Variants in LRRN2 observed in about 807,000 individuals in gnomAD.
LRRN2 encodes leucine-rich repeat neuronal protein 2.
LRRN2 carries 10 observed loss-of-function variants against 35.7 expected under a neutral mutation model. The ratio of observed to expected loss-of-function variants is 0.28; its 90% CI spans 0.17 to 0.47. The LOEUF is 0.47. LRRN2 is among the 20% of genes least tolerant of loss of function. LRRN2 has a pLI of 0.99. For synonymous variants in LRRN2, 391 were observed against 409.6 expected (o/e 0.95, Z 0.55); for missense variants, 731 against 940.3 (o/e 0.78, Z 2.91).
At chr1:204,638,945 G>A (rs1375762720) in intron 1 of LRRN2, among the ~76,000 whole-genome samples, 1 of 152,246 alleles carries the variant, frequency 6.6e-6, no homozygotes, top group African/African-American at 2.4e-5. Flanking sequence ...CCGTGAGCCT[G>A]CTGAATGACC....
At position 204,620,127 on chromosome 1, in the gene LRRN2, C is replaced by T. The variant is rs976587900; in HGVS notation, c.-135G>A. 141 of 1,466,306 alleles carry T rather than the reference C, an allele frequency of 9.6e-5. No homozygotes were observed. Among genetic ancestry groups the T allele is most frequent in the Non-Finnish European group, 1.2e-4 (135 of 1,107,420 alleles). 90.8% of individuals were successfully genotyped at this position (1,466,306 alleles called of 1,614,324 possible). A position where few individuals can be genotyped will look rare whatever the true frequency, so the allele number is the denominator to read the frequency against. ...CCCAGGGCAGTCATTCTACACCGGG[C>T]GTCACTTCTTGCCCTCCTCAATATG... is the stretch of plus-strand genomic sequence containing the variant. On this transcript the variant is annotated 5_prime_UTR_variant, in exon 2 of 2. Coordinates refer to ENST00000367177, the MANE Select transcript of LRRN2 (RefSeq NM_201630.2).
intron 1 of LRRN2, among the ~76,000 whole-genome samples, chr1:204,662,469 G>A (rs1381481102): frequency 1.3e-5 from 2 of 152,162 alleles, no homozygotes; most frequent in Non-Finnish European, 2.9e-5. Context: ...CTTGTCCAAG[G>A]CCACAACTCA....
intron 1 of LRRN2, among the ~76,000 whole-genome samples, chr1:204,650,395 G>A (rs1286599771): frequency 2.0e-5 from 3 of 152,150 alleles, no homozygotes; most frequent in East Asian, 1.9e-4. Context: ...CCTTTACCTC[G>A]TCACCACCCC....
chr1:204,658,740 C>T (rs1412682358), intron 1 of LRRN2, among the ~76,000 whole-genome samples: 1 of 152,204 alleles, frequency 6.6e-6, no homozygotes, highest in Admixed American at 6.5e-5. Flanking sequence ...CTGGGTTTTT[C>T]TTTCTCTATC....
At chr1:204,658,879 C>T (rs1668412873) in intron 1 of LRRN2, among the ~76,000 whole-genome samples, 1 of 152,228 alleles carries the variant, frequency 6.6e-6, no homozygotes, top group Non-Finnish European at 1.5e-5. Context: ...TTTGGGGAGG[C>T]AGCACAAAGC....
chr1:204,627,390 G>A (rs545828684), intron 1 of LRRN2: 1 of 152,292 alleles, frequency 6.6e-6, no homozygotes, highest in East Asian at 1.9e-4. Context: ...AGGCTTCTTT[G>A]TTCATACTTG....
intron 1 of LRRN2, among the ~76,000 whole-genome samples, chr1:204,649,210 T>C (rs1490423211): frequency 1.3e-5 from 2 of 152,218 alleles, no homozygotes; most frequent in Non-Finnish European, 2.9e-5. Context: ...CTGACTCCCT[T>C]ACCTGCTGCT....
rs56189865 is a variant in LRRN2 at position 204,676,139 on chromosome 1, C to CGTGT, written c.-227+9177_-227+9180dup. ...ATTTCCATGCAAGGTTACATGGAGCCGTGTGTGTGTGTGTGTGTGTGTGTG... is the reference window on the plus strand; with the variant it reads ...ATTTCCATGCAAGGTTACATGGAGCCGTGTGTGTGTGTGTGTGTGTGTGTGTGTG... On this transcript the variant is annotated intron_variant, in intron 1 of 1. Coordinates refer to ENST00000367177, the MANE Select transcript of LRRN2 (RefSeq NM_201630.2). Among the ~76,000 whole-genome samples, 1,038 of 148,954 alleles carry CGTGT rather than the reference C, an allele frequency of 7.0e-3. 12 individuals are homozygous for CGTGT. Among genetic ancestry groups the CGTGT allele is most frequent in the African/African-American group, 0.024 (950 of 40,394 alleles).
At position 204,619,661 on chromosome 1, in the gene LRRN2, C is replaced by T. The variant is rs778170782; in HGVS notation, c.332G>A (p.Cys111Tyr). 5 of 1,614,204 alleles carry T rather than the reference C, an allele frequency of 3.1e-6. No homozygotes were observed. Among genetic ancestry groups the T allele is most frequent in the Non-Finnish European group, 4.2e-6 (5 of 1,180,022 alleles). ...SQNSFSDARD[C>Y]DFHALPQLLS... ...CAGCTGGGGCAGGGCATGGAAATCA[C>T]AGTCTCGGGCATCCGAAAAGCTGTT... is the stretch of plus-strand genomic sequence containing the variant. Residue 111 changes from cysteine (C) to tyrosine (Y), a missense_variant, in exon 2 of 2, where the codon TGT becomes TAT. Physicochemically the swap from Cys to Tyr is radical, Grantham distance 194. Around this residue, in one of 3 missense-constraint regions of LRRN2, gnomAD observed 246 missense variants for 289.5 expected, o/e 0.85. Transcript: ENST00000367177.
chr1:204,662,005 G>T (rs1481236911), intron 1 of LRRN2, among the ~76,000 whole-genome samples: 3 of 152,208 alleles, frequency 2.0e-5, no homozygotes, highest in Non-Finnish European at 4.4e-5. Flanking sequence ...ACTGCAGAAA[G>T]CTGGACCCCA....
At position 204,655,790 on chromosome 1, in the gene LRRN2, C is replaced by G. The variant is rs1005343025; in HGVS notation, c.-227+29530G>C. ...GACAGACTCACAAATATGACTGTGGCCCTGGGGGCTGCCGACAGGACAAGG... is the reference window on the plus strand; with the variant it reads ...GACAGACTCACAAATATGACTGTGGGCCTGGGGGCTGCCGACAGGACAAGG... On this transcript the variant is annotated intron_variant, in intron 1 of 1. Transcript: ENST00000367177. 4.6e-5 allele frequency among the ~76,000 whole-genome samples: 7 copies of G among 152,328 alleles called. No individual in the cohort carries two copies. The East Asian group carries it at 5.8e-4, about 13-fold the overall frequency.
rs1558391233 is a variant in LRRN2, at chr1:204,618,448, GC to G, written c.1544del (p.Gly515AlafsTer111). On this transcript the variant is annotated frameshift_variant, in exon 2 of 2. Transcript: ENST00000367177. LOFTEE classifies it high-confidence loss of function. ...CCCTGCCTGGCTGGAGGAGAGCACG[GC>G]CCACAACCACACTAACCGTCTTAGT... ...ADTKTVSVVV[G>X]RALLQPGRDE... 1.2e-6 allele frequency: 2 copies of G among 1,614,068 alleles called. No homozygotes were observed. The highest frequency in any genetic ancestry group is 1.7e-6 in the Non-Finnish European group (2 of 1,180,014).
chr1:204,660,653 A>G (rs1448274681), intron 1 of LRRN2, among the ~76,000 whole-genome samples: 1 of 151,494 alleles, frequency 6.6e-6, no homozygotes, highest in Admixed American at 6.6e-5. Flanking sequence ...TGTGCGTGTG[A>G]AGGAGGTGGT....
chr1:204,679,303 T>C (rs1403153839), intron 1 of LRRN2, among the ~76,000 whole-genome samples: 1 of 152,200 alleles, frequency 6.6e-6, no homozygotes, highest in Admixed American at 6.5e-5. Flanking sequence ...TCTGTGGTCA[T>C]TCCCCCTTCT....
chr1:204,632,556 G>T (rs551958477), intron 1 of LRRN2, among the ~76,000 whole-genome samples: 2 of 151,712 alleles, frequency 1.3e-5, no homozygotes, highest in Non-Finnish European at 2.9e-5. Context: ...TTGAACCCAG[G>T]GGGTGGAGGT....
At position 204,619,986 on chromosome 1, in the gene LRRN2, G is replaced by A; in HGVS notation, c.7C>T (p.Leu3Phe). The A allele has an allele frequency of 6.2e-7, 1 of 1,608,374 alleles. No individual in the cohort carries two copies. The highest frequency in any genetic ancestry group is 8.5e-7 in the Non-Finnish European group (1 of 1,177,976). MR[L>F]LVAPLLLAWV... is the part of the protein sequence containing the mutation. ...GCTAGCAAGAGTGGGGCCACGAGAA[G>A]CCTCATGGTGGAGCTGCAGGGCAGG... The change falls in exon 2 of 2, where the codon CTT (leucine) becomes TTT (phenylalanine). Residue 3 changes from leucine (L) to phenylalanine (F), a missense_variant. Coordinates refer to ENST00000367177, the MANE Select transcript of LRRN2 (RefSeq NM_201630.2).
intron 1 of LRRN2, among the ~76,000 whole-genome samples, chr1:204,624,814 T>C (rs1221600140): frequency 7.1e-6 from 1 of 141,566 alleles, no homozygotes; most frequent in Non-Finnish European, 1.5e-5. Flanking sequence ...ATCGATTGCC[T>C]GGCCTTGGCT....
chr1:204,626,582 C>T (rs531443049), intron 1 of LRRN2, among the ~76,000 whole-genome samples: 1 of 152,146 alleles, frequency 6.6e-6, no homozygotes, highest in South Asian at 2.1e-4. Context: ...CAGCTGCCCC[C>T]GAGACTCTCT....
In LRRN2 at chr1:204,617,775, C is replaced by G. The variant is rs1666454139; in HGVS notation, c.*76G>C. 4.6e-6 allele frequency: 7 copies of G among 1,510,912 alleles called. No individual in the cohort carries two copies. The highest frequency in any genetic ancestry group is 6.4e-6 in the Non-Finnish European group (7 of 1,093,748). The allele number at this position is 1,510,912 out of a possible 1,614,324, so 93.6% of individuals were successfully genotyped here. A position where few individuals can be genotyped will look rare whatever the true frequency, so the allele number is the denominator to read the frequency against. On this transcript the variant is annotated 3_prime_UTR_variant, in exon 2 of 2. Coordinates refer to ENST00000367177, the MANE Select transcript of LRRN2 (RefSeq NM_201630.2). The stretch of plus-strand genomic sequence containing the variant: ...GGTCCATGTCCCTTTCCTGGCAGGG[C>G]ATCTGGCCCAGACTGCTTCTCTTTT...
Sources: gnomAD v4.1 joint callset for allele counts (sites outside exome capture counted in the v4.1 genomes callset) on GRCh38, gnomAD v4.1.1 for gene constraint, gnomAD v4.1.1 regional missense constraint, MANE v1.5 for transcripts, NCBI Gene and HGNC (gene_info 2026-07-23, HGNC 2026-07-21) for gene names.